Variants in RAB15 observed in about 807,000 individuals in gnomAD.
RAB15 encodes the protein ras-related protein Rab-15.
Under a neutral mutation model 31.8 loss-of-function variants are expected in RAB15, and 13 were observed. The ratio of observed to expected loss-of-function variants is 0.41; its 90% CI spans 0.27 to 0.65. The LOEUF (loss-of-function observed/expected upper bound fraction) is 0.65, where lower values mean the gene tolerates loss of function less well. Ranked by LOEUF, RAB15 falls within the 30% of genes least tolerant of loss-of-function variation. The pLI, the probability that RAB15 is intolerant of heterozygous loss-of-function variation, is 0.32. For missense variants in RAB15, 220 were observed against 277.3 expected (o/e 0.79, Z 1.47); for synonymous variants, 100 against 105.6 (o/e 0.95, Z 0.33).
chr14:64,949,823 C>T (rs943843824), intron 5 of RAB15, among the ~76,000 whole-genome samples: 3 of 152,104 alleles, frequency 2.0e-5, no homozygotes, highest in Non-Finnish European at 4.4e-5. Context: ...ATTCCCTCAG[C>T]GTCATCCTCC....
rs747767430 is a variant in RAB15, at chr14:64,968,153, C to T, written c.124+3800G>A. The stretch of plus-strand genomic sequence containing the variant: ...AAAACAATGAGGAATAAGATTTGGT[C>T]GCACCATCAAGGCACTTATAATTTG... On this transcript the variant is annotated intron_variant, in intron 1 of 6. Coordinates refer to ENST00000533601, the MANE Select transcript of RAB15 (RefSeq NM_001308154.2). The surrounding 1 kb of genome is among the most constrained non-coding windows in gnomAD (Gnocchi z 4.9). 2.0e-5 allele frequency among the ~76,000 whole-genome samples: 3 copies of T among 152,146 alleles called. No homozygotes were observed. Among genetic ancestry groups the T allele is most frequent in the African/African-American group, 4.8e-5 (2 of 41,426 alleles).
Position 64,948,391 on chromosome 14 carries a change from T to G in RAB15, c.602A>C (p.Glu201Ala). Residue 201 changes from glutamate to alanine, a missense_variant, in exon 7 of 7, where the codon GAG becomes GCG. Physicochemically the swap from Glu to Ala is moderately radical, Grantham distance 107. Coordinates refer to ENST00000533601, the MANE Select transcript of RAB15 (RefSeq NM_001308154.2). The surrounding 1 kb of genome is among the most constrained non-coding windows in gnomAD (Gnocchi z 7.0). ...AELEEEEGKP[E>A]GPANSSKTCW... ...GGTTTTCGAAGAGTTCGCTGGGCCCTCGGGTTTGCCCTCCTCCTCCTCCAG... is the reference window on the plus strand; with the variant it reads ...GGTTTTCGAAGAGTTCGCTGGGCCCGCGGGTTTGCCCTCCTCCTCCTCCAG... The G allele has an allele frequency of 5.0e-6, 8 of 1,609,342 alleles. No individual in the cohort carries two copies. Among genetic ancestry groups the G allele is most frequent in the Non-Finnish European group, 6.8e-6 (8 of 1,178,356 alleles).
intron 5 of RAB15, among the ~76,000 whole-genome samples, chr14:64,949,734 A>AG (rs1886133289): frequency 6.6e-6 from 1 of 151,576 alleles, no homozygotes; most frequent in African/African-American, 2.4e-5. Flanking sequence ...AAAAAAAAAA[A>AG]AAAAAGAAAG....
chr14:64,969,093 C>CA (rs914116618), intron 1 of RAB15, among the ~76,000 whole-genome samples: 1 of 152,070 alleles, frequency 6.6e-6, no homozygotes, highest in Non-Finnish European at 1.5e-5. Flanking sequence ...TCTTAATTCA[C>CA]AAAAAAAGCC....
Position 64,948,107 on chromosome 14 carries a change from C to T in RAB15, c.*247G>A, listed in dbSNP as rs1423705020. On this transcript the variant is annotated 3_prime_UTR_variant, in exon 7 of 7. Coordinates refer to ENST00000533601, the MANE Select transcript of RAB15 (RefSeq NM_001308154.2). This position sits in a 1 kb window ranked among gnomAD's most constrained non-coding sequence, Gnocchi z 7.0. ...AGTGCTTGCGGCACATCGTGGGGGT[C>T]GTAGCAGGCCTGTGGCTGGGGAAAC... is the stretch of plus-strand genomic sequence containing the variant. 2.3e-6 allele frequency: 1 copy of T among 436,358 alleles called. No individual in the cohort carries two copies. The highest frequency in any genetic ancestry group is 6.0e-5 in the South Asian group (1 of 16,680). 27.0% of individuals were successfully genotyped at this position (436,358 alleles called of 1,614,324 possible).
chr14:64,966,868 GAC>G (rs564966487), intron 1 of RAB15, among the ~76,000 whole-genome samples: 54 of 152,242 alleles, frequency 3.5e-4, no homozygotes, highest in African/African-American at 1.3e-3. Context: ...CCTGAAGGCT[GAC>G]ACAGACCCAG....
chr14:64,960,435 C>T (rs1312959232), intron 1 of RAB15, among the ~76,000 whole-genome samples: 1 of 152,196 alleles, frequency 6.6e-6, no homozygotes, highest in Non-Finnish European at 1.5e-5. Context: ...TGGCTCAAGA[C>T]ACAGAGTGTC....
chr14:64,969,383 C>A (rs999765237), intron 1 of RAB15, among the ~76,000 whole-genome samples: 1 of 152,210 alleles, frequency 6.6e-6, no homozygotes, highest in Non-Finnish European at 1.5e-5. Flanking sequence ...CTTGACCATC[C>A]AACTCTTTCC....
rs1263963935 is a variant in RAB15 at position 64,970,890 on chromosome 14, TG to T, written c.124+1062del. ...TTCTCTCTCAGCAAGGAATGTGTGT[TG>T]GGGGGAGGGGGGATGGTGTGGACAT... On this transcript the variant is annotated intron_variant, in intron 1 of 6. Transcript: ENST00000533601. The surrounding 1 kb of genome is among the most constrained non-coding windows in gnomAD (Gnocchi z 4.1). Among the ~76,000 whole-genome samples the T allele has an allele frequency of 6.6e-6, 1 of 151,680 alleles. No homozygotes were observed. The highest frequency in any genetic ancestry group is 1.5e-5 in the Non-Finnish European group (1 of 67,928).
intron 1 of RAB15, among the ~76,000 whole-genome samples, chr14:64,965,115 TAA>T (rs940347991): frequency 1.3e-5 from 2 of 152,196 alleles, no homozygotes; most frequent in African/African-American, 4.8e-5. Context: ...TCAGTTAATT[TAA>T]AAAGTGTTTT....
In RAB15 at chr14:64,951,548, G is replaced by A. The variant is rs917374625; in HGVS notation, c.246+55C>T. On this transcript the variant is annotated intron_variant, in intron 3 of 6. Coordinates refer to ENST00000533601, the MANE Select transcript of RAB15 (RefSeq NM_001308154.2). This position sits in a 1 kb window ranked among gnomAD's most constrained non-coding sequence, Gnocchi z 7.2. ...GGCACAGACATCTCAAATACCCAGA[G>A]CTGGGAGTGTGGGTGGCAGCTTCCC... is the stretch of plus-strand genomic sequence containing the variant. The A allele has an allele frequency of 1.4e-6, 2 of 1,476,946 alleles. No homozygotes were observed. Among genetic ancestry groups the A allele is most frequent in the African/African-American group, 2.8e-5 (2 of 72,336 alleles). The allele number at this position is 1,476,946 out of a possible 1,614,324, so 91.5% of individuals were successfully genotyped here.
rs906360633 is a variant in RAB15, at chr14:64,971,482, C to G, written c.124+471G>C. ...GATCCCTGTGGCCCCTCCGTACGTC[C>G]TCTCTTCCCCCCCTCGCCCCCCGCC... On this transcript the variant is annotated intron_variant, in intron 1 of 6. Coordinates refer to ENST00000533601, the MANE Select transcript of RAB15 (RefSeq NM_001308154.2). The surrounding 1 kb of genome is among the most constrained non-coding windows in gnomAD (Gnocchi z 4.1). Among the ~76,000 whole-genome samples the G allele has an allele frequency of 6.6e-6, 1 of 152,132 alleles. No homozygotes were observed. Among genetic ancestry groups the G allele is most frequent in the African/African-American group, 2.4e-5 (1 of 41,440 alleles).
rs1229934866 is a variant in RAB15 at position 64,946,896 on chromosome 14, C to T, written c.*1458G>A. 5 of 152,628 alleles carry T rather than the reference C, an allele frequency of 3.3e-5. No individual in the cohort carries two copies. The highest frequency in any genetic ancestry group is 1.9e-4 in the East Asian group (1 of 5,190). The allele number at this position is 152,628 out of a possible 1,614,324, so 9.5% of individuals were successfully genotyped here. A position where few individuals can be genotyped will look rare whatever the true frequency, so the allele number is the denominator to read the frequency against. On this transcript the variant is annotated 3_prime_UTR_variant, in exon 7 of 7. Coordinates refer to ENST00000533601, the MANE Select transcript of RAB15 (RefSeq NM_001308154.2). ...TTTAAAGGGCCTCCTACGAGCTACT[C>T]TTGGGCCATATGGGGTTAAAGAAAC... is the stretch of plus-strand genomic sequence containing the variant.
chr14:64,971,983 CGTT>C lies in RAB15; in HGVS notation c.91_93del (p.Asn31del). The C allele has an allele frequency of 6.3e-7, 1 of 1,599,482 alleles. No homozygotes were observed. Among genetic ancestry groups the C allele is most frequent in the Non-Finnish European group, 8.5e-7 (1 of 1,173,268 alleles). On this transcript the variant is annotated inframe_deletion, in exon 1 of 7. Coordinates refer to ENST00000533601, the MANE Select transcript of RAB15 (RefSeq NM_001308154.2). The surrounding 1 kb of genome is among the most constrained non-coding windows in gnomAD (Gnocchi z 4.1). ...GTGGAGATGTGCGAGGAGTGGAACT[CGTT>C]GTCGGTGAAGCGGCACAGCAGGCAG...
chr14:64,962,468 G>T lies in RAB15; in HGVS notation c.124+9485C>A, dbSNP rs4899155. Among the ~76,000 whole-genome samples the T allele has an allele frequency of 6.6e-6, 1 of 151,998 alleles. No homozygotes were observed. The highest frequency in any genetic ancestry group is 2.4e-5 in the African/African-American group (1 of 41,382). On this transcript the variant is annotated intron_variant, in intron 1 of 6. Coordinates refer to ENST00000533601, the MANE Select transcript of RAB15 (RefSeq NM_001308154.2). The surrounding 1 kb of genome is among the most constrained non-coding windows in gnomAD (Gnocchi z 4.2). ...CTTAATTCTAGTGGGGAAGACAGAT[G>T]TAAGTAATGAATACCTAATTTCAGA...
chr14:64,956,690 T>A (rs1185585394), intron 1 of RAB15, among the ~76,000 whole-genome samples: 1 of 152,152 alleles, frequency 6.6e-6, no homozygotes, highest in African/African-American at 2.4e-5. Context: ...CTGGGGTGAC[T>A]TAAAACAAAG....
rs775309783 is a variant in RAB15, at chr14:64,950,382, A to G, written c.357T>C (p.Ile119=). The change falls in exon 5 of 7, where the codon ATT becomes ATC. Residue 119 remains isoleucine (I), a synonymous_variant. Coordinates refer to ENST00000533601, the MANE Select transcript of RAB15 (RefSeq NM_001308154.2). The surrounding 1 kb of genome is among the most constrained non-coding windows in gnomAD (Gnocchi z 5.6). ...TCTGCTCCTCATCAGCCTTATTCCCAATAAGGATCTTCTGGACGCCTTCTG... is the reference window on the plus strand; with the variant it reads ...TCTGCTCCTCATCAGCCTTATTCCCGATAAGGATCTTCTGGACGCCTTCTG... The part of the protein sequence containing the change: ...YAPEGVQKIL[I]GNKADEEQKR... The G allele has an allele frequency of 6.8e-6, 11 of 1,614,068 alleles. No individual in the cohort carries two copies. Among genetic ancestry groups the G allele is most frequent in the East Asian group, 6.7e-5 (3 of 44,876 alleles).
At position 64,950,909 on chromosome 14, in the gene RAB15, G is replaced by T; in HGVS notation, c.324+165C>A. The T allele has an allele frequency of 6.8e-7, 1 of 1,467,434 alleles. No individual in the cohort carries two copies. The highest frequency in any genetic ancestry group is 9.5e-7 in the Non-Finnish European group (1 of 1,055,154). The allele number at this position is 1,467,434 out of a possible 1,614,324, so 90.9% of individuals were successfully genotyped here. On this transcript the variant is annotated intron_variant, in intron 4 of 6. Coordinates refer to ENST00000533601, the MANE Select transcript of RAB15 (RefSeq NM_001308154.2). The surrounding 1 kb of genome is among the most constrained non-coding windows in gnomAD (Gnocchi z 5.6). ...GGCAGGGTATAGAGAGTGAGGGCAT[G>T]GCAGCTTCGGTTTCTTCCCCATGTC...
rs1442849063 is a variant in RAB15 at position 64,948,811 on chromosome 14, C to T, written c.415-78G>A. On this transcript the variant is annotated intron_variant, in intron 5 of 6. Transcript: ENST00000533601. This position sits in a 1 kb window ranked among gnomAD's most constrained non-coding sequence, Gnocchi z 7.0. ...CATACAACCAGGCACAGGCTTCTGC[C>T]ACTGCACTCACAACCATGCTGTGTT... 12 of 1,223,080 alleles carry T rather than the reference C, an allele frequency of 9.8e-6. No individual in the cohort carries two copies. Among genetic ancestry groups the T allele is most frequent in the Non-Finnish European group, 1.3e-5 (11 of 836,238 alleles). 75.8% of individuals were successfully genotyped at this position (1,223,080 alleles called of 1,614,324 possible).
Sources: gnomAD v4.1 joint callset for allele counts (sites outside exome capture counted in the v4.1 genomes callset) on GRCh38, gnomAD v4.1.1 for gene constraint, Gnocchi (gnomAD v3.1) non-coding constraint, MANE v1.5 for transcripts, NCBI Gene and HGNC (gene_info 2026-07-23, HGNC 2026-07-21) for gene names.